XAF1: variants seen among roughly 807,000 people sequenced by gnomAD.
XAF1 encodes the protein XIAP-associated factor 1.
A neutral mutation model predicts 32.3 loss-of-function variants in XAF1; 32 were observed. The ratio of observed to expected loss-of-function variants is 0.99; its 90% CI spans 0.75 to 1.33. The LOEUF (loss-of-function observed/expected upper bound fraction) is 1.33, where lower values mean the gene tolerates loss of function less well. Ranked by LOEUF, XAF1 falls within the 40% of genes most tolerant of loss-of-function variation. The pLI is 0.00. For missense variants in XAF1, 379 were observed against 366.0 expected, an observed-to-expected ratio of 1.04 and a Z score of -0.29; for synonymous variants, 120 against 125.9, an observed-to-expected ratio of 0.95 and a Z score of 0.31.
intron 1 of XAF1, 71 bp from the exon 2 acceptor site, chr17:6,758,018 T>C: frequency 5.6e-6 from 9 of 1,601,682 alleles, no homozygotes; most frequent in Non-Finnish European, 7.7e-6. Flanking sequence ...GCCCTGGGTA[T>C]GAAATACAGC....
At chr17:6,763,942 G>C (rs958504953) in intron 5 of XAF1, among the ~76,000 whole-genome samples, 1 of 152,162 alleles carries the variant, frequency 6.6e-6, no homozygotes, top group Admixed American at 6.5e-5. Context: ...TGTTCTGTTT[G>C]AATGAGAAAA....
intron 5 of XAF1, among the ~76,000 whole-genome samples, chr17:6,765,563 T>C (rs1975554352): frequency 1.3e-5 from 2 of 152,216 alleles, no homozygotes; most frequent in South Asian, 4.1e-4. Flanking sequence ...GAATGCTTGA[T>C]AGACATCTTA....
chr17:6,775,356 C>T lies in XAF1; in HGVS notation c.*2187C>T, dbSNP rs1046871872. 2.0e-5 allele frequency: 3 copies of T among 152,098 alleles called. No individual in the cohort carries two copies. Among genetic ancestry groups the T allele is most frequent in the East Asian group, 1.9e-4 (1 of 5,190 alleles). 9.4% of individuals were successfully genotyped at this position (152,098 alleles called of 1,614,324 possible). On this transcript the variant is annotated 3_prime_UTR_variant, in exon 7 of 7. Transcript: ENST00000361842. ...CTTTTTATCTGGATGATGAAATAAT[C>T]TGTACAACAAACCCTGGTGACATGC...
At position 6,774,245 on chromosome 17, in the gene XAF1, G is replaced by A. The variant is rs1340618919; in HGVS notation, c.*1076G>A. The stretch of plus-strand genomic sequence containing the variant: ...ACATAGATCAATGGAACAGAATAGA[G>A]GGCCCAGAAATAAAGCTACACACCT... On this transcript the variant is annotated 3_prime_UTR_variant, in exon 7 of 7. Transcript: ENST00000361842. 1.3e-5 allele frequency: 2 copies of A among 152,136 alleles called. No individual in the cohort carries two copies. The highest frequency in any genetic ancestry group is 6.5e-5 in the Admixed American group (1 of 15,276). 9.4% of individuals were successfully genotyped at this position (152,136 alleles called of 1,614,324 possible).
At chr17:6,760,874 G>T (rs908163913) in intron 4 of XAF1, among the ~76,000 whole-genome samples, 2 of 152,218 alleles carry the variant, frequency 1.3e-5, no homozygotes, top group Non-Finnish European at 2.9e-5. Context: ...CATGGAGAAG[G>T]CTGGGCGGGG....
chr17:6,758,400 G>A, intron 2 of XAF1, 176 bp downstream of exon 2: 1 of 962,182 alleles, frequency 1.0e-6, no homozygotes, highest in Non-Finnish European at 1.5e-6. Context: ...GATGGGGTCT[G>A]AGAGTCAAGG....
intron 4 of XAF1, 129 bp downstream of exon 4, chr17:6,760,730 T>C (rs1425465437): frequency 3.1e-6 from 3 of 968,942 alleles, no homozygotes; most frequent in Middle Eastern, 6.7e-4. Flanking sequence ...TCTCAATTCA[T>C]CTGGCTATTC....
intron 2 of XAF1, chr17:6,759,429 G>A (rs1167230622): frequency 1.4e-6 from 2 of 1,414,644 alleles, no homozygotes; most frequent in South Asian, 3.2e-5. Context: ...TGTCTCTCTG[G>A]AGATACTCAA....
intron 5 of XAF1, among the ~76,000 whole-genome samples, chr17:6,770,304 A>C (rs567879515): frequency 6.6e-6 from 1 of 152,272 alleles, no homozygotes; most frequent in African/African-American, 2.4e-5. Context: ...TACTTCATGA[A>C]TCCTCTTTTA....
chr17:6,761,997 T>C, intron 4 of XAF1, 158 bp from the exon 5 acceptor site: 1 of 1,536,724 alleles, frequency 6.5e-7, no homozygotes, highest in Non-Finnish European at 8.7e-7. Context: ...GAGTTGCCTG[T>C]GTGGTCAAGG....
At chr17:6,764,561 C>T (rs953497256) in intron 5 of XAF1, among the ~76,000 whole-genome samples, 4 of 148,524 alleles carry the variant, frequency 2.7e-5, no homozygotes, top group Non-Finnish European at 5.9e-5. Flanking sequence ...TGGCCTTGCA[C>T]GAAAAGAATT....
Position 6,770,865 on chromosome 17 carries a change from AT to A in XAF1, c.731del (p.Met244SerfsTer21), listed in dbSNP as rs756574689. 2 of 1,614,126 alleles carry A rather than the reference AT, an allele frequency of 1.2e-6. No individual in the cohort carries two copies. The highest frequency in any genetic ancestry group is 2.2e-5 in the South Asian group (2 of 91,058). ...AAACAAAACCTTGGATCCACTTTTG[AT>A]GTCAGAGCCCAAGCCCAGGACCAGC... is the stretch of plus-strand genomic sequence containing the variant. ...SKNKTLDPLL[M>X]SEPKPRTSSP... On this transcript the variant is annotated frameshift_variant, in exon 6 of 7. Transcript: ENST00000361842. LOFTEE classifies it high-confidence loss of function.
intron 4 of XAF1, 76 bp downstream of exon 4, chr17:6,760,677 A>C: frequency 7.0e-7 from 1 of 1,433,092 alleles, no homozygotes; most frequent in South Asian, 1.3e-5. Flanking sequence ...CAAGGAAGGG[A>C]AGCTCTCAAC....
At chr17:6,763,764 T>A (rs754638663) in intron 5 of XAF1, among the ~76,000 whole-genome samples, 1 of 152,112 alleles carries the variant, frequency 6.6e-6, no homozygotes, top group African/African-American at 2.4e-5. Context: ...GCCCTCCCCC[T>A]AGAAATGCTA....
At chr17:6,764,442 A>G (rs1451245307) in intron 5 of XAF1, among the ~76,000 whole-genome samples, 1 of 152,200 alleles carries the variant, frequency 6.6e-6, no homozygotes, top group Admixed American at 6.5e-5. Context: ...AGAGAGGTTA[A>G]ATGAGCTGTA....
upstream of XAF1, chr17:6,756,015 T>G: frequency 6.2e-7 from 1 of 1,612,670 alleles, no homozygotes; most frequent in Non-Finnish European, 8.5e-7. Context: ...ATCGGAAAAC[T>G]TTCAGTTTTG....
At chr17:6,759,601 G>T in intron 2 of XAF1, 61 bp from the exon 3 acceptor site, 1 of 1,605,436 alleles carries the variant, frequency 6.2e-7, no homozygotes. Context: ...TGTGGGGCAG[G>T]CCCTGGGTGC....
At chr17:6,759,595 G>T (rs3752860) in intron 2 of XAF1, 67 bp from the exon 3 acceptor site, 1 of 1,603,986 alleles carries the variant, frequency 6.2e-7, no homozygotes, top group East Asian at 2.2e-5. Flanking sequence ...AGTGGATGTG[G>T]GGCAGGCCCT....
At chr17:6,758,018 T>G in intron 1 of XAF1, 71 bp from the exon 2 acceptor site, 5 of 1,601,662 alleles carry the variant, frequency 3.1e-6, no homozygotes, top group Non-Finnish European at 4.3e-6. Context: ...GCCCTGGGTA[T>G]GAAATACAGC....
Sources: allele counts gnomAD v4.1 joint callset (sites outside exome capture counted in the v4.1 genomes callset), GRCh38; gene constraint gnomAD v4.1.1; transcripts MANE v1.5; gene names NCBI Gene and HGNC (gene_info 2026-07-23, HGNC 2026-07-21).